Variants in PDLIM1 observed in about 807,000 individuals in gnomAD.
PDLIM1 encodes PDZ and LIM domain 1, also known as PDZ and LIM domain protein 1.
A neutral mutation model predicts 35.2 loss-of-function variants in PDLIM1; 25 were observed. The ratio of observed to expected loss-of-function variants is 0.71; its 90% confidence interval spans 0.52 to 0.99. The LOEUF (loss-of-function observed/expected upper bound fraction) is 0.99. Among genes scored for constraint, PDLIM1 ranks in the 50% least tolerant of loss-of-function variants. The pLI is 0.00. For synonymous variants in PDLIM1, 152 were observed against 154.0 expected (o/e 0.99, Z 0.10); for missense variants, 363 against 415.3 (o/e 0.87, Z 1.09).
At chr10:95,281,456 C>T (rs2035560569) in intron 1 of PDLIM1, among the ~76,000 whole-genome samples, 1 of 152,028 alleles carries the variant, frequency 6.6e-6, no homozygotes, top group South Asian at 2.1e-4. Flanking sequence ...CCCAGCTACT[C>T]AAGGAGACTG....
chr10:95,286,488 A>T (rs1564607656), intron 1 of PDLIM1, among the ~76,000 whole-genome samples: 1 of 152,174 alleles, frequency 6.6e-6, no homozygotes, highest in Non-Finnish European at 1.5e-5. Flanking sequence ...CCAGGAGAAG[A>T]CATATGATTT....
intron 1 of PDLIM1, among the ~76,000 whole-genome samples, chr10:95,285,795 C>T (rs996872365): frequency 3.9e-5 from 6 of 152,168 alleles, no homozygotes; most frequent in African/African-American, 1.2e-4. Flanking sequence ...GATCTTAATC[C>T]TACCTCACAA....
Position 95,290,871 on chromosome 10 carries a change from G to T in PDLIM1, c.45C>A (p.Gly15=). Residue 15 remains glycine (G), a synonymous_variant, in exon 1 of 7, where the codon GGC becomes GGA. Transcript: ENST00000329399. The surrounding 1 kb of genome is among the most constrained non-coding windows in gnomAD (Gnocchi z 4.7). ...QIDLQGPGPW[G]FRLVGGKDFE... is the part of the protein sequence containing the mutation. ...AGTCCTTGCCGCCCACGAGGCGGAA[G>T]CCCCACGGCCCCGGGCCCTGGAGGT... 6 of 1,565,008 alleles carry T rather than the reference G, an allele frequency of 3.8e-6. No individual in the cohort carries two copies. Among genetic ancestry groups the T allele is most frequent in the Non-Finnish European group, 5.2e-6 (6 of 1,155,470 alleles).
At chr10:95,242,312 T>G (rs553410723) in intron 5 of PDLIM1, among the ~76,000 whole-genome samples, 8 of 152,282 alleles carry the variant, frequency 5.3e-5, no homozygotes, top group Non-Finnish European at 1.0e-4. Flanking sequence ...CCATATATTT[T>G]ACCTGTATTA....
At chr10:95,258,985 T>G (rs1475398171) in intron 4 of PDLIM1, among the ~76,000 whole-genome samples, 1 of 152,142 alleles carries the variant, frequency 6.6e-6, no homozygotes, top group Non-Finnish European at 1.5e-5. Context: ...ATAACATTTT[T>G]GAAATAATAA....
chr10:95,249,967 C>T (rs1439877747), intron 4 of PDLIM1, among the ~76,000 whole-genome samples: 1 of 152,152 alleles, frequency 6.6e-6, no homozygotes, highest in African/African-American at 2.4e-5. Context: ...GGCCTCTTCC[C>T]CCACCTGCAG....
In PDLIM1 at chr10:95,271,684, G is replaced by A. The variant is rs1199848738; in HGVS notation, c.197C>T (p.Ala66Val). The A allele has an allele frequency of 6.2e-6, 10 of 1,611,768 alleles. No individual in the cohort carries two copies. ...ENTSNMTHLE[A>V]QNRIKGCTDN... ...TGTGCAGCCTTTGATTCTGTTCTGA[G>A]CTTCCAAGTGTGTCATATTGCTAGT... is the stretch of plus-strand genomic sequence containing the variant. The change falls in exon 2 of 7, where the codon GCT becomes GTT. Residue 66 changes from alanine to valine, a missense_variant. Physicochemically the swap from Ala to Val is moderately conservative, Grantham distance 64. Coordinates refer to ENST00000329399, the MANE Select transcript of PDLIM1 (RefSeq NM_020992.4).
At chr10:95,259,643 C>T (rs2035344455) in intron 4 of PDLIM1, among the ~76,000 whole-genome samples, 1 of 152,274 alleles carries the variant, frequency 6.6e-6, no homozygotes. Context: ...GGGTGGCAGG[C>T]AGGTTTAGCT....
chr10:95,286,026 T>C (rs937278136), intron 1 of PDLIM1, among the ~76,000 whole-genome samples: 6 of 152,190 alleles, frequency 3.9e-5, no homozygotes, highest in Non-Finnish European at 8.8e-5. Flanking sequence ...CAACTTATGA[T>C]TGAAGGTACA....
intron 4 of PDLIM1, among the ~76,000 whole-genome samples, chr10:95,256,488 A>G (rs2035311817): frequency 6.6e-6 from 1 of 152,262 alleles, no homozygotes; most frequent in Non-Finnish European, 1.5e-5. Context: ...TACTAGCATA[A>G]GACAGATATA....
chr10:95,241,928 ACTTGG>A (rs1223451516), intron 5 of PDLIM1, among the ~76,000 whole-genome samples: 1 of 152,248 alleles, frequency 6.6e-6, no homozygotes, highest in Non-Finnish European at 1.5e-5. Context: ...GGTTTGGGGT[ACTTGG>A]CTGGCTTATG....
At chr10:95,260,636 G>A (rs181456586) in intron 4 of PDLIM1, among the ~76,000 whole-genome samples, 98 of 152,292 alleles carry the variant, frequency 6.4e-4, no homozygotes, top group South Asian at 1.5e-3. Flanking sequence ...CTGGGACACA[G>A]CTCTGTAAAG....
rs200857998 is a variant in PDLIM1 at position 95,238,586 on chromosome 10, T to A, written c.785A>T (p.Lys262Ile). The A allele has an allele frequency of 1.4e-4, 229 of 1,609,700 alleles. 4 individuals carry two copies. In the South Asian group the frequency reaches 2.3e-3, roughly 16 times the overall value. ...GNAQKLPMCD[K>I]CGTGIVGVFV... is the part of the protein sequence containing the mutation. ...TACTCACACAATCCCAGTGCCACATTTGTCACACATAGGCAACTTCTGAGC... is the reference window on the plus strand; with the variant it reads ...TACTCACACAATCCCAGTGCCACATATGTCACACATAGGCAACTTCTGAGC... Residue 262 changes from lysine (K) to isoleucine (I), a missense_variant, in exon 6 of 7, where the codon AAA (lysine) becomes ATA (isoleucine). Physicochemically the swap from Lys to Ile is moderately radical, Grantham distance 102. Coordinates refer to ENST00000329399, the MANE Select transcript of PDLIM1 (RefSeq NM_020992.4).
Position 95,275,607 on chromosome 10 carries a change from T to C in PDLIM1, c.97-3823A>G, listed in dbSNP as rs1191662575. On this transcript the variant is annotated intron_variant, in intron 1 of 6. Transcript: ENST00000329399. ...TATTTTTATTTCAAAAATGAAATAA[T>C]CATTTCCCTCTACACTGCTATCCTG... Among the ~76,000 whole-genome samples the C allele has an allele frequency of 3.3e-5, 5 of 152,242 alleles. No individual in the cohort carries two copies. In the East Asian group the frequency reaches 9.6e-4, roughly 29 times the overall value.
At chr10:95,245,502 C>T (rs1221359609) in intron 5 of PDLIM1, among the ~76,000 whole-genome samples, 1 of 152,158 alleles carries the variant, frequency 6.6e-6, no homozygotes, top group Non-Finnish European at 1.5e-5. Context: ...TAGTTGGGCA[C>T]GGATGAACTT....
At chr10:95,265,040 C>A (rs1005778718) in intron 3 of PDLIM1, among the ~76,000 whole-genome samples, 1 of 152,174 alleles carries the variant, frequency 6.6e-6, no homozygotes, top group Non-Finnish European at 1.5e-5. Context: ...GCCAGCTGAA[C>A]TCAAAATGTG....
At chr10:95,287,441 AC>A (rs2035612482) in intron 1 of PDLIM1, among the ~76,000 whole-genome samples, 1 of 152,126 alleles carries the variant, frequency 6.6e-6, no homozygotes, top group South Asian at 2.1e-4. Context: ...TTGCCACAGA[AC>A]CGCTCAGCTC....
At chr10:95,252,546 G>A (rs2035276240) in intron 4 of PDLIM1, among the ~76,000 whole-genome samples, 1 of 152,174 alleles carries the variant, frequency 6.6e-6, no homozygotes, top group Admixed American at 6.5e-5. Context: ...ATCTCAAACT[G>A]TAAATAAGAC....
At chr10:95,259,117 A>G (rs1456052618) in intron 4 of PDLIM1, among the ~76,000 whole-genome samples, 2 of 152,210 alleles carry the variant, frequency 1.3e-5, no homozygotes, top group East Asian at 1.9e-4. Flanking sequence ...AATGTTCAGT[A>G]TCTTGAGTGT....
Sources: allele counts gnomAD v4.1 joint callset (sites outside exome capture counted in the v4.1 genomes callset), GRCh38; gene constraint gnomAD v4.1.1; non-coding constraint Gnocchi (gnomAD v3.1); transcripts MANE v1.5; gene names NCBI Gene and HGNC (gene_info 2026-07-23, HGNC 2026-07-21).